The following PHF21A variants were observed in gnomAD, a reference collection of about 807,000 sequenced individuals.
PHF21A encodes BHC80a.
PHF21A carries 11 observed loss-of-function variants against 82.5 expected under a neutral mutation model. The observed-to-expected ratio is 0.13, with a 90% CI of 0.08 to 0.22. The LOEUF is 0.22. Ranked by LOEUF, PHF21A falls within the 10% of genes least tolerant of loss-of-function variation. The probability of loss-of-function intolerance (pLI) is 1.00; values close to 1 mark genes in which losing one functional copy is unlikely to be tolerated. For synonymous variants in PHF21A, 297 were observed against 302.8 expected (o/e 0.98, Z 0.20); for missense variants, 579 against 837.8 (o/e 0.69, Z 3.81).
chr11:46,062,886 T>C (rs559060212), intron 6 of PHF21A, among the ~76,000 whole-genome samples: 1 of 152,314 alleles, frequency 6.6e-6, no homozygotes, highest in South Asian at 2.1e-4. Flanking sequence ...TTAATGTTAT[T>C]TGTAACAGCT....
Position 45,965,623 on chromosome 11 carries a change from G to A in PHF21A, c.703-15C>T, listed in dbSNP as rs766288066. The A allele has an allele frequency of 6.6e-7, 1 of 1,515,620 alleles. No homozygotes were observed. Among genetic ancestry groups the A allele is most frequent in the African/African-American group, 1.4e-5 (1 of 71,708 alleles). The allele number at this position is 1,515,620 out of a possible 1,614,324, so 93.9% of individuals were successfully genotyped here. On this transcript the variant is annotated splice_polypyrimidine_tract_variant and intron_variant, in intron 9 of 18. Transcript: ENST00000676320. The stretch of plus-strand genomic sequence containing the variant: ...TTGGGTCGAACCTATAGGGGAAAGA[G>A]AGAATAATTATTGTATTACTTAAGC...
intron 6 of PHF21A, among the ~76,000 whole-genome samples, chr11:46,058,590 A>G (rs1371985288): frequency 6.6e-6 from 1 of 152,240 alleles, no homozygotes; most frequent in Admixed American, 6.5e-5. Context: ...ATTCTCCTTT[A>G]ATAAAATGAC....
chr11:46,091,771 T>A (rs1452975918), intron 2 of PHF21A, among the ~76,000 whole-genome samples: 1 of 152,224 alleles, frequency 6.6e-6, no homozygotes, highest in African/African-American at 2.4e-5. Context: ...TCAAGCTGGA[T>A]GACTTGAATT....
chr11:45,995,658 G>A (rs1015206541), intron 6 of PHF21A, among the ~76,000 whole-genome samples: 2 of 152,130 alleles, frequency 1.3e-5, no homozygotes, highest in African/African-American at 4.8e-5. Flanking sequence ...ATTTGATAAG[G>A]CTCTACAGAG....
intron 6 of PHF21A, among the ~76,000 whole-genome samples, chr11:46,067,953 T>C (rs981701777): frequency 6.6e-6 from 1 of 152,142 alleles, no homozygotes; most frequent in African/African-American, 2.4e-5. Flanking sequence ...GAAAAGCTTA[T>C]AGAAGACCTT....
At position 45,938,079 on chromosome 11, in the gene PHF21A, C is replaced by T. The variant is rs1002661175; in HGVS notation, c.1608+78G>A. ...TGGGAGAGAGAAGAGACTGCCATTT[C>T]CCCGGGAAAGGAATTCCTCCTGATG... On this transcript the variant is annotated intron_variant, in intron 16 of 18. Transcript: ENST00000676320. The T allele has an allele frequency of 2.3e-5, 29 of 1,275,346 alleles. No homozygotes were observed. In the Admixed American group the frequency reaches 3.8e-4, roughly 17 times the overall value. 79.0% of individuals were successfully genotyped at this position (1,275,346 alleles called of 1,614,324 possible). A position where few individuals can be genotyped will look rare whatever the true frequency, so the allele number is the denominator to read the frequency against.
At chr11:46,020,289 C>T (rs2095603145) in intron 6 of PHF21A, among the ~76,000 whole-genome samples, 1 of 152,164 alleles carries the variant, frequency 6.6e-6, no homozygotes, top group Non-Finnish European at 1.5e-5. Context: ...GATCCTATGA[C>T]ATGTTTGGGG....
Position 45,935,741 on chromosome 11 carries a change from TAAAAAAAA to T in PHF21A, c.1685-10_1685-3del, listed in dbSNP as rs35995547. On this transcript the variant is annotated splice_region_variant and splice_polypyrimidine_tract_variant and intron_variant, in intron 17 of 18. Coordinates refer to ENST00000676320, the MANE Select transcript of PHF21A (RefSeq NM_001352027.3). ...ACTTCTGTTTCTCTTCTTCTTTTGC[TAAAAAAAA>T]AAAAAAAAAAAAAAAGGAACGGTTT... 135 of 523,370 alleles carry T rather than the reference TAAAAAAAA, an allele frequency of 2.6e-4. No homozygotes were observed. Among genetic ancestry groups the T allele is most frequent in the Admixed American group, 2.9e-4 (8 of 27,228 alleles). 32.4% of individuals were successfully genotyped at this position (523,370 alleles called of 1,614,324 possible).
chr11:46,093,263 C>T (rs1437802918), intron 1 of PHF21A, among the ~76,000 whole-genome samples: 1 of 152,208 alleles, frequency 6.6e-6, no homozygotes. Context: ...AACTACATGT[C>T]TTCCTTTTGC....
intron 1 of PHF21A, among the ~76,000 whole-genome samples, chr11:46,112,606 C>G (rs1195617431): frequency 6.6e-6 from 1 of 152,194 alleles, no homozygotes; most frequent in Non-Finnish European, 1.5e-5. Flanking sequence ...TAAATTTACA[C>G]TAAAACCACA....
intron 4 of PHF21A, among the ~76,000 whole-genome samples, chr11:46,082,014 T>A (rs2096798080): frequency 6.6e-6 from 1 of 152,020 alleles, no homozygotes; most frequent in African/African-American, 2.4e-5. Flanking sequence ...GTGACTTCCA[T>A]CAAATCTAAA....
chr11:45,970,974 G>C, intron 8 of PHF21A, 142 bp downstream of exon 8: 3 of 1,013,528 alleles, frequency 3.0e-6, no homozygotes, highest in Non-Finnish European at 4.2e-6. Context: ...ATATTCCCTT[G>C]TCAGCCCCAA....
chr11:46,106,522 T>C (rs774326426), intron 1 of PHF21A, among the ~76,000 whole-genome samples: 35 of 152,146 alleles, frequency 2.3e-4, no homozygotes, highest in Non-Finnish European at 4.4e-4. Flanking sequence ...AAATACTAAA[T>C]AGAATAATTC....
chr11:46,073,336 A>C (rs2096678832), intron 6 of PHF21A, among the ~76,000 whole-genome samples: 1 of 152,102 alleles, frequency 6.6e-6, no homozygotes, highest in Non-Finnish European at 1.5e-5. Flanking sequence ...TCAAAAAAAA[A>C]AAAAAAAGTT....
chr11:46,074,747 C>G (rs1210252634), intron 6 of PHF21A, among the ~76,000 whole-genome samples: 1 of 152,192 alleles, frequency 6.6e-6, no homozygotes, highest in African/African-American at 2.4e-5. Context: ...AGGTGATCCA[C>G]CCACCTTGGC....
At chr11:45,990,257 T>A (rs1237212335) in intron 6 of PHF21A, among the ~76,000 whole-genome samples, 3 of 91,770 alleles carry the variant, frequency 3.3e-5, no homozygotes, top group African/African-American at 1.8e-4. Flanking sequence ...CTTCTTTTTT[T>A]TTTTTTTTTT....
At chr11:45,976,053 A>G (rs892596396) in intron 7 of PHF21A, among the ~76,000 whole-genome samples, 2 of 152,126 alleles carry the variant, frequency 1.3e-5, no homozygotes, top group Non-Finnish European at 2.9e-5. Context: ...AAAACCCAGA[A>G]GCTCTGGCAT....
chr11:46,017,471 T>G (rs1157980216), intron 6 of PHF21A, among the ~76,000 whole-genome samples: 1 of 152,118 alleles, frequency 6.6e-6, no homozygotes, highest in African/African-American at 2.4e-5. Context: ...GTGTGTGGAC[T>G]GATAACACTC....
intron 6 of PHF21A, among the ~76,000 whole-genome samples, chr11:45,981,510 T>C (rs116406714): frequency 1.0e-3 from 157 of 151,072 alleles, no homozygotes; most frequent in African/African-American, 3.7e-3. Flanking sequence ...AAGCATATAA[T>C]AACTATTTGG....
Sources: allele counts gnomAD v4.1 joint callset (sites outside exome capture counted in the v4.1 genomes callset), GRCh38; gene constraint gnomAD v4.1.1; transcripts MANE v1.5; gene names NCBI Gene and HGNC (gene_info 2026-07-23, HGNC 2026-07-21).